STK39: variants seen among roughly 807,000 people sequenced by gnomAD.
The protein encoded by STK39 is STE20/SPS1-related proline-alanine-rich protein kinase.
In STK39, 20 loss-of-function variants were observed where a neutral mutation model predicts 77.8. The observed-to-expected ratio is 0.26, with a 90% CI of 0.18 to 0.37. The LOEUF (loss-of-function observed/expected upper bound fraction) is 0.37. Among genes scored for constraint, STK39 ranks in the 10% least tolerant of loss-of-function variants. STK39 has a pLI of 1.00. For missense variants in STK39, 479 were observed against 656.5 expected, an observed-to-expected ratio of 0.73 and a Z score of 2.95; for synonymous variants, 246 against 234.1, an observed-to-expected ratio of 1.05 and a Z score of -0.47.
intron 16 of STK39, among the ~76,000 whole-genome samples, chr2:167,974,904 T>G (rs181119203): frequency 3.9e-4 from 59 of 152,300 alleles, no homozygotes; most frequent in African/African-American, 1.3e-3. Context: ...AACTGCTAAC[T>G]GAAGTAGAAC....
At chr2:168,209,451 C>A (rs1018098365) in intron 1 of STK39, among the ~76,000 whole-genome samples, 8 of 152,046 alleles carry the variant, frequency 5.3e-5, no homozygotes, top group Non-Finnish European at 1.0e-4. Flanking sequence ...CGGAGGTGGG[C>A]AGATCCCCTG....
rs114528031 is a variant in STK39 at position 168,245,939 on chromosome 2, T to A, written c.208+1289A>T. Among the ~76,000 whole-genome samples the A allele has an allele frequency of 1.8e-3, 273 of 152,194 alleles. 1 individual carries two copies. Among genetic ancestry groups the A allele is most frequent in the African/African-American group, 6.2e-3 (256 of 41,522 alleles). On this transcript the variant is annotated intron_variant, in intron 1 of 17. Coordinates refer to ENST00000355999, the MANE Select transcript of STK39 (RefSeq NM_013233.3). ...CCTAGGTTACGGACCTGCCCAACAT[T>A]TTCTCACATATTTTTATGTATATAT...
At chr2:168,021,374 A>G (rs1684567137) in intron 14 of STK39, among the ~76,000 whole-genome samples, 1 of 152,178 alleles carries the variant, frequency 6.6e-6, no homozygotes, top group Non-Finnish European at 1.5e-5. Context: ...GATCACAGTG[A>G]TTGATTGTGA....
chr2:168,247,314 G>GGGGCCA lies in STK39; in HGVS notation c.121_122insTGGCCC (p.Ala41delinsValAlaPro). 9.6e-7 allele frequency: 1 copy of GGGGCCA among 1,038,204 alleles called. No individual in the cohort carries two copies. The allele number at this position is 1,038,204 out of a possible 1,614,324, so 64.3% of individuals were successfully genotyped here. A position where few individuals can be genotyped will look rare whatever the true frequency, so the allele number is the denominator to read the frequency against. ...CGGGGCCGGGGCCGGGGCCGGGGCC[G>GGGGCCA]CGGGAGCTGCCGGGGCCGGCGCTGC... On this transcript the variant is annotated protein_altering_variant, in exon 1 of 18. Coordinates refer to ENST00000355999, the MANE Select transcript of STK39 (RefSeq NM_013233.3).
intron 1 of STK39, among the ~76,000 whole-genome samples, chr2:168,200,373 T>C (rs762986269): frequency 2.0e-5 from 3 of 152,028 alleles, no homozygotes; most frequent in Admixed American, 1.3e-4. Flanking sequence ...CCAGTTAAAA[T>C]TGAAACTTAA....
chr2:168,217,755 T>C lies in STK39; in HGVS notation c.208+29473A>G, dbSNP rs553850571. Among the ~76,000 whole-genome samples, 10 of 152,304 alleles carry C rather than the reference T, an allele frequency of 6.6e-5. No homozygotes were observed. The East Asian group carries it at 1.5e-3, about 23-fold the overall frequency. On this transcript the variant is annotated intron_variant, in intron 1 of 17. Coordinates refer to ENST00000355999, the MANE Select transcript of STK39 (RefSeq NM_013233.3). ...AAATAATGGCAAGAAAAAAAGTCTG[T>C]ACATGTTCAGTACAGATGCAATCAT... is the stretch of plus-strand genomic sequence containing the variant.
chr2:168,083,508 G>A (rs937733397), intron 10 of STK39, among the ~76,000 whole-genome samples: 2 of 152,042 alleles, frequency 1.3e-5, no homozygotes, highest in African/African-American at 4.8e-5. Flanking sequence ...CAGACAGGTG[G>A]ACAGACATTT....
At chr2:168,122,431 A>G (rs1446189580) in intron 10 of STK39, among the ~76,000 whole-genome samples, 1 of 151,920 alleles carries the variant, frequency 6.6e-6, no homozygotes, top group Non-Finnish European at 1.5e-5. Context: ...TATCCAGTGT[A>G]CTGTCATTTT....
chr2:167,981,351 G>A (rs1229312724), intron 16 of STK39, among the ~76,000 whole-genome samples: 1 of 152,216 alleles, frequency 6.6e-6, no homozygotes, highest in Non-Finnish European at 1.5e-5. Flanking sequence ...ACTGTAAGTG[G>A]CACTGCTTTA....
chr2:167,994,441 G>A (rs1052628292), intron 16 of STK39, among the ~76,000 whole-genome samples: 4 of 152,070 alleles, frequency 2.6e-5, no homozygotes, highest in Non-Finnish European at 2.9e-5. Flanking sequence ...GTGTGTGGAG[G>A]TGAAACTCAT....
intron 10 of STK39, among the ~76,000 whole-genome samples, chr2:168,086,766 C>T (rs1315196063): frequency 6.6e-6 from 1 of 152,156 alleles, no homozygotes; most frequent in African/African-American, 2.4e-5. Context: ...AATACTGTAA[C>T]TTTGGAAACC....
At chr2:168,230,773 A>G (rs1269139144) in intron 1 of STK39, among the ~76,000 whole-genome samples, 1 of 149,784 alleles carries the variant, frequency 6.7e-6, no homozygotes, top group African/African-American at 2.5e-5. Context: ...TGGAAAAATT[A>G]CACTCTCCCT....
rs567132642 is a variant in STK39, at chr2:168,016,977, A to T, written c.1429+66T>A. Reference sequence around the variant, plus strand: ...GTTTTAAATAGCAGATTATAACCACATGCTTGTAATCAATTTCTGCAATGC... The same window carrying T: ...GTTTTAAATAGCAGATTATAACCACTTGCTTGTAATCAATTTCTGCAATGC... On this transcript the variant is annotated intron_variant, in intron 15 of 17. Transcript: ENST00000355999. The T allele has an allele frequency of 1.5e-4, 192 of 1,284,254 alleles. 1 individual carries two copies. The African/African-American group carries it at 2.4e-3, about 16-fold the overall frequency. 79.6% of individuals were successfully genotyped at this position (1,284,254 alleles called of 1,614,324 possible). A position where few individuals can be genotyped will look rare whatever the true frequency, so the allele number is the denominator to read the frequency against.
intron 16 of STK39, among the ~76,000 whole-genome samples, chr2:168,008,360 G>C (rs1684184914): frequency 2.0e-5 from 3 of 152,286 alleles, no homozygotes; most frequent in South Asian, 4.1e-4. Flanking sequence ...AAGTATGAGA[G>C]AAAGAAAAGT....
At chr2:168,201,753 C>G (rs1046779582) in intron 1 of STK39, among the ~76,000 whole-genome samples, 6 of 152,232 alleles carry the variant, frequency 3.9e-5, no homozygotes, top group Admixed American at 1.3e-4. Context: ...AAACCACCCC[C>G]CTTCTAATCT....
Position 168,247,367 on chromosome 2 carries a change from C to T in STK39, c.69G>A (p.Ala23=). The part of the protein sequence containing the change: ...LPQQAAPVTA[A]AAAAPAAATA... Reference sequence around the variant, plus strand: ...TCGCGGCCGCCGGGGCCGCCGCCGCCGCCGCTGTCACCGGGGCCGCCTGCT... The same window carrying T: ...TCGCGGCCGCCGGGGCCGCCGCCGCTGCCGCTGTCACCGGGGCCGCCTGCT... Residue 23 remains alanine, a synonymous_variant, in exon 1 of 18, where the codon GCG becomes GCA. Transcript: ENST00000355999. The T allele has an allele frequency of 2.0e-6, 2 of 998,280 alleles. No individual in the cohort carries two copies. The highest frequency in any genetic ancestry group is 2.5e-6 in the Non-Finnish European group (2 of 809,750). 61.8% of individuals were successfully genotyped at this position (998,280 alleles called of 1,614,324 possible).
intron 10 of STK39, among the ~76,000 whole-genome samples, chr2:168,100,502 G>T (rs760569236): frequency 6.6e-6 from 1 of 152,128 alleles, no homozygotes; most frequent in Non-Finnish European, 1.5e-5. Flanking sequence ...GGGCTCAAGC[G>T]ATCCTCCTGC....
At chr2:168,171,356 G>A (rs920572955) in intron 2 of STK39, among the ~76,000 whole-genome samples, 11 of 151,590 alleles carry the variant, frequency 7.3e-5, no homozygotes, top group African/African-American at 2.4e-4. Flanking sequence ...CAGACATTAC[G>A]CGCGTCATGC....
chr2:168,162,459 C>T (rs1467456606), intron 4 of STK39, among the ~76,000 whole-genome samples: 2 of 152,048 alleles, frequency 1.3e-5, no homozygotes, highest in East Asian at 3.9e-4. Flanking sequence ...GAGTTAGACA[C>T]TGCCCATAAA....
Sources: gnomAD v4.1 joint callset for allele counts (sites outside exome capture counted in the v4.1 genomes callset) on GRCh38, gnomAD v4.1.1 for gene constraint, MANE v1.5 for transcripts, NCBI Gene and HGNC (gene_info 2026-07-23, HGNC 2026-07-21) for gene names.